The following DLGAP5 variants were observed in gnomAD, a reference collection of about 807,000 sequenced individuals.
DLGAP5 encodes DLG associated protein 5.
A neutral mutation model predicts 99.6 loss-of-function variants in DLGAP5; 90 were observed. The observed-to-expected ratio is 0.90, with a 90% CI of 0.76 to 1.08. The LOEUF is 1.08. Ranked by LOEUF, DLGAP5 falls within the 50% of genes least tolerant of loss-of-function variation. DLGAP5 has a pLI of 0.00. For missense variants in DLGAP5, 1,036 were observed against 983.5 expected, an observed-to-expected ratio of 1.05 and a Z score of -0.71; for synonymous variants, 311 against 321.3, an observed-to-expected ratio of 0.97 and a Z score of 0.34.
intron 12 of DLGAP5, among the ~76,000 whole-genome samples, chr14:55,165,557 A>G (rs1038220826): frequency 1.3e-5 from 2 of 152,022 alleles, no homozygotes; most frequent in African/African-American, 2.4e-5. Flanking sequence ...AAAAAACCCT[A>G]CAATGAGATA....
intron 12 of DLGAP5, among the ~76,000 whole-genome samples, chr14:55,163,513 A>G (rs1302237054): frequency 3.3e-5 from 5 of 152,166 alleles, no homozygotes; most frequent in African/African-American, 1.2e-4. Context: ...GCAGGTTTTT[A>G]TATGGACATA....
At chr14:55,162,274 G>A (rs1011476505) in intron 13 of DLGAP5, among the ~76,000 whole-genome samples, 1 of 152,112 alleles carries the variant, frequency 6.6e-6, no homozygotes, top group African/African-American at 2.4e-5. Flanking sequence ...CATTATATAA[G>A]TTACCTACTA....
chr14:55,161,693 AACC>A (rs565081604), intron 13 of DLGAP5, among the ~76,000 whole-genome samples: 44 of 151,268 alleles, frequency 2.9e-4, no homozygotes, highest in Admixed American at 2.8e-3. Flanking sequence ...TATAGACGTG[AACC>A]ACTGTGCCTG....
At chr14:55,159,899 T>C (rs1227818107) in intron 13 of DLGAP5, among the ~76,000 whole-genome samples, 2 of 152,096 alleles carry the variant, frequency 1.3e-5, no homozygotes, top group Admixed American at 1.3e-4. Flanking sequence ...GAAGGAAATA[T>C]AATTTCAAAA....
intron 12 of DLGAP5, among the ~76,000 whole-genome samples, chr14:55,169,175 CA>C (rs34906311): frequency 0.21 from 13,283 of 63,878 alleles, 310 homozygotes; most frequent in East Asian, 0.26. Context: ...GACTCCGTCT[CA>C]AAAAAAAAAA....
rs1883267516 is a variant in DLGAP5 at position 55,181,317 on chromosome 14, C to G, written c.496-20G>C. The stretch of plus-strand genomic sequence containing the variant: ...ATCAATCTATTTAAGAGATTAGGTG[C>G]TATGTGATTTAATTGCATAATGAAT... On this transcript the variant is annotated intron_variant, in intron 4 of 18. Transcript: ENST00000247191. 1 of 1,599,150 alleles carries G rather than the reference C, an allele frequency of 6.3e-7. No individual in the cohort carries two copies. Among genetic ancestry groups the G allele is most frequent in the Non-Finnish European group, 8.6e-7 (1 of 1,168,714 alleles).
chr14:55,148,663 G>C (rs757548103), intron 18 of DLGAP5, 190 bp from the exon 19 acceptor site: 2 of 1,159,594 alleles, frequency 1.7e-6, no homozygotes, highest in East Asian at 2.6e-5. Flanking sequence ...AGACCAGCCC[G>C]AGCAACATAG....
intron 14 of DLGAP5, 100 bp from the exon 15 acceptor site, chr14:55,154,906 T>C (rs1256379492): frequency 1.0e-6 from 1 of 983,936 alleles, no homozygotes; most frequent in East Asian, 2.6e-5. Flanking sequence ...CTCTTTCTCC[T>C]GTCAAATAAT....
intron 6 of DLGAP5, 42 bp from the exon 7 acceptor site, chr14:55,179,741 C>T: frequency 1.3e-6 from 2 of 1,512,200 alleles, no homozygotes; most frequent in South Asian, 2.4e-5. Context: ...GATAGAAATG[C>T]TACATGAAAA....
Position 55,148,384 on chromosome 14 carries a change from A to G in DLGAP5, c.2508T>C (p.Ile836=). ...CTCCTGGTTGTAGAGGTGAAAAAGTAATCAGGTTACCACCAAAAGAAATGT... is the reference window on the plus strand; with the variant it reads ...CTCCTGGTTGTAGAGGTGAAAAAGTGATCAGGTTACCACCAAAAGAAATGT... The part of the protein sequence containing the change: ...ARHISFGGNL[I]TFSPLQPGEF The change falls in exon 19 of 19, where the codon ATT becomes ATC. Residue 836 remains isoleucine, a synonymous_variant. Coordinates refer to ENST00000247191, the MANE Select transcript of DLGAP5 (RefSeq NM_014750.5). 1 of 1,614,114 alleles carries G rather than the reference A, an allele frequency of 6.2e-7. No homozygotes were observed. The highest frequency in any genetic ancestry group is 8.5e-7 in the Non-Finnish European group (1 of 1,179,998).
At chr14:55,149,240 A>C (rs1881927053) in intron 18 of DLGAP5, among the ~76,000 whole-genome samples, 1 of 152,254 alleles carries the variant, frequency 6.6e-6, no homozygotes, top group African/African-American at 2.4e-5. Flanking sequence ...ATACATTCTC[A>C]GAATCAATCA....
At chr14:55,177,587 G>A (rs1176798252) in intron 7 of DLGAP5, among the ~76,000 whole-genome samples, 4 of 151,624 alleles carry the variant, frequency 2.6e-5, no homozygotes, top group African/African-American at 9.7e-5. Flanking sequence ...GCCCAGGCTG[G>A]AGTGCAGTCG....
At chr14:55,153,929 G>A (rs1246412429) in intron 15 of DLGAP5, among the ~76,000 whole-genome samples, 3 of 151,894 alleles carry the variant, frequency 2.0e-5, no homozygotes, top group Non-Finnish European at 4.4e-5. Flanking sequence ...GGTGGCGCGT[G>A]TCTGTAGTCC....
At chr14:55,150,773 G>C (rs531145796) in intron 18 of DLGAP5, 26 bp downstream of exon 18, 1 of 1,527,226 alleles carries the variant, frequency 6.5e-7, no homozygotes, top group Non-Finnish European at 8.8e-7. Context: ...AGAATATAAA[G>C]GGACTTGTCA....
chr14:55,166,902 C>T (rs938820241), intron 12 of DLGAP5, among the ~76,000 whole-genome samples: 1 of 150,292 alleles, frequency 6.7e-6, no homozygotes. Context: ...AAAAGTGCCC[C>T]AATGGCCAAC....
intron 14 of DLGAP5, 139 bp from the exon 15 acceptor site, chr14:55,154,945 T>C (rs1181710739): frequency 2.8e-6 from 2 of 713,644 alleles, no homozygotes; most frequent in Non-Finnish European, 4.6e-6. Context: ...CCTGGGACTT[T>C]CTGTTAAAGA....
chr14:55,190,875 A>T (rs1883592848), intron 1 of DLGAP5, among the ~76,000 whole-genome samples: 1 of 152,250 alleles, frequency 6.6e-6, no homozygotes, highest in African/African-American at 2.4e-5. Flanking sequence ...TATTAAATAC[A>T]GGATAGCACT....
chr14:55,154,489 T>G, intron 15 of DLGAP5, 128 bp downstream of exon 15: 1 of 745,834 alleles, frequency 1.3e-6, no homozygotes, highest in Non-Finnish European at 2.2e-6. Context: ...GAGTACTGCC[T>G]ATATGTTGCA....
rs766382306 is a variant in DLGAP5 at position 55,177,152 on chromosome 14, A to G, written c.959T>C (p.Leu320Pro). The G allele has an allele frequency of 1.2e-6, 2 of 1,610,292 alleles. No individual in the cohort carries two copies. The highest frequency in any genetic ancestry group is 1.7e-6 in the Non-Finnish European group (2 of 1,178,522). The change falls in exon 8 of 19, where the codon CTG becomes CCG. Residue 320 changes from leucine to proline, a missense_variant. Leu to Pro is a moderately conservative substitution (Grantham distance 98, BLOSUM62 -3). Transcript: ENST00000247191. Reference sequence around the variant, plus strand: ...CATAGGTGTTACTTGATAGGTCTTCAGACCATCCAGTGGCTGAAACATAAA... The same window carrying G: ...CATAGGTGTTACTTGATAGGTCTTCGGACCATCCAGTGGCTGAAACATAAA... Reference protein sequence around the residue: ...KDFMFQPLDGLKTYQVTPMTP... With the variant: ...KDFMFQPLDGPKTYQVTPMTP...
Sources: gnomAD v4.1 joint callset for allele counts (sites outside exome capture counted in the v4.1 genomes callset) on GRCh38, gnomAD v4.1.1 for gene constraint, MANE v1.5 for transcripts, NCBI Gene and HGNC (gene_info 2026-07-23, HGNC 2026-07-21) for gene names.